The following PAX5 variants were observed in gnomAD, a reference collection of about 807,000 sequenced individuals.
PAX5 encodes the protein paired box 5, also known as paired box protein Pax-5.
In PAX5, 9 loss-of-function variants were observed where a neutral mutation model predicts 43.7. The ratio of observed to expected loss-of-function variants is 0.21; its 90% CI spans 0.12 to 0.36. PAX5 has a LOEUF of 0.36. Ranked by LOEUF, PAX5 falls within the 10% of genes least tolerant of loss-of-function variation. The pLI, the probability that PAX5 is intolerant of heterozygous loss-of-function variation, is 1.00. For missense variants in PAX5, 383 were observed against 532.7 expected (o/e 0.72, Z 2.77); for synonymous variants, 228 against 214.3 (o/e 1.06, Z -0.56).
chr9:36,956,050 C>T (rs1182638272), intron 6 of PAX5, among the ~76,000 whole-genome samples: 1 of 152,154 alleles, frequency 6.6e-6, no homozygotes, highest in Non-Finnish European at 1.5e-5. Context: ...CCAAAATTAG[C>T]TGTTCTTTTG....
At chr9:36,976,784 A>T (rs1490770840) in intron 5 of PAX5, among the ~76,000 whole-genome samples, 1 of 152,216 alleles carries the variant, frequency 6.6e-6, no homozygotes, top group African/African-American at 2.4e-5. Flanking sequence ...GTGTTACCCA[A>T]TGAGTCACAG....
intron 8 of PAX5, among the ~76,000 whole-genome samples, chr9:36,870,913 A>G (rs1171313542): frequency 6.6e-6 from 1 of 152,232 alleles, no homozygotes; most frequent in Non-Finnish European, 1.5e-5. Flanking sequence ...TGAGCCCTGG[A>G]CACTCCTGCA....
intron 5 of PAX5, among the ~76,000 whole-genome samples, chr9:36,967,966 G>T (rs1375204180): frequency 1.3e-5 from 2 of 152,180 alleles, no homozygotes; most frequent in African/African-American, 4.8e-5. Flanking sequence ...AATATCTTCT[G>T]TTGAGTCTCA....
At chr9:36,939,294 C>T (rs1831824347) in intron 6 of PAX5, among the ~76,000 whole-genome samples, 1 of 152,090 alleles carries the variant, frequency 6.6e-6, no homozygotes, top group African/African-American at 2.4e-5. Flanking sequence ...TCCTCAGAGA[C>T]CCTTAAAGCC....
chr9:36,907,867 G>A (rs1828950503), intron 7 of PAX5, among the ~76,000 whole-genome samples: 1 of 152,070 alleles, frequency 6.6e-6, no homozygotes, highest in Admixed American at 6.6e-5. Flanking sequence ...GGAGACGTGG[G>A]GACAGATTGC....
chr9:37,030,835 C>T (rs1840913006), intron 1 of PAX5, among the ~76,000 whole-genome samples: 1 of 152,220 alleles, frequency 6.6e-6, no homozygotes, highest in African/African-American at 2.4e-5. Context: ...CATCGACTCT[C>T]TCAACCCAAG....
chr9:36,996,709 C>T (rs1054053496), intron 5 of PAX5, among the ~76,000 whole-genome samples: 1 of 152,232 alleles, frequency 6.6e-6, no homozygotes, highest in Non-Finnish European at 1.5e-5. Flanking sequence ...GGCCCCAGCA[C>T]GGTCTGTGAG....
intron 6 of PAX5, among the ~76,000 whole-genome samples, chr9:36,935,656 G>A (rs949971681): frequency 6.6e-6 from 1 of 152,176 alleles, no homozygotes; most frequent in Non-Finnish European, 1.5e-5. Flanking sequence ...GTCCTCTTAC[G>A]GAATTTTAGT....
At chr9:36,951,118 T>C (rs1832973437) in intron 6 of PAX5, among the ~76,000 whole-genome samples, 1 of 151,872 alleles carries the variant, frequency 6.6e-6, no homozygotes, top group Non-Finnish European at 1.5e-5. Context: ...GGAAGTAGGG[T>C]GGTAGGGTGG....
chr9:36,931,659 G>A (rs1831133518), intron 6 of PAX5, among the ~76,000 whole-genome samples: 1 of 152,080 alleles, frequency 6.6e-6, no homozygotes, highest in Admixed American at 6.6e-5. Flanking sequence ...GACCAGCCTG[G>A]CCAACACGGT....
At chr9:36,962,208 C>G (rs1834032294) in intron 6 of PAX5, among the ~76,000 whole-genome samples, 1 of 84,946 alleles carries the variant, frequency 1.2e-5, no homozygotes, top group African/African-American at 3.8e-5. Flanking sequence ...AAACCTATGG[C>G]AAGTTCTGAG....
At chr9:36,972,320 C>T (rs975087458) in intron 5 of PAX5, among the ~76,000 whole-genome samples, 62 of 152,298 alleles carry the variant, frequency 4.1e-4, no homozygotes, top group African/African-American at 1.3e-3. Context: ...CCAGCAGTCC[C>T]GGGTTCTAGC....
At chr9:36,862,537 G>A (rs377319309) in intron 8 of PAX5, among the ~76,000 whole-genome samples, 16 of 152,268 alleles carry the variant, frequency 1.1e-4, no homozygotes, top group South Asian at 1.0e-3. Flanking sequence ...CGATTTGAGA[G>A]GCTGGCACGT....
chr9:36,915,480 G>A (rs914779870), intron 7 of PAX5, among the ~76,000 whole-genome samples: 6 of 152,132 alleles, frequency 3.9e-5, no homozygotes, highest in South Asian at 4.2e-4. Flanking sequence ...CTGGGCATCC[G>A]CATTTTTTCC....
At chr9:36,969,476 C>A (rs935572010) in intron 5 of PAX5, among the ~76,000 whole-genome samples, 1 of 152,234 alleles carries the variant, frequency 6.6e-6, no homozygotes, top group Non-Finnish European at 1.5e-5. Context: ...CCCAGTAGAG[C>A]CCAGCACAGA....
intron 5 of PAX5, among the ~76,000 whole-genome samples, chr9:36,970,144 A>C (rs1011687423): frequency 6.6e-6 from 1 of 152,246 alleles, no homozygotes; most frequent in Non-Finnish European, 1.5e-5. Context: ...AACAACGGTG[A>C]CTGATGCTAG....
intron 5 of PAX5, among the ~76,000 whole-genome samples, chr9:36,990,292 T>C (rs1440831009): frequency 6.6e-6 from 1 of 152,120 alleles, no homozygotes; most frequent in Non-Finnish European, 1.5e-5. Context: ...CCAGGAGTAG[T>C]CATTGTTGAG....
chr9:36,969,175 C>G (rs920381368), intron 5 of PAX5, among the ~76,000 whole-genome samples: 8 of 115,108 alleles, frequency 6.9e-5, no homozygotes, highest in Admixed American at 4.0e-4. Context: ...TCAGTGAAAC[C>G]TCCTTCCTGT....
chr9:37,002,872 C>G lies in PAX5; in HGVS notation c.476-96G>C, dbSNP rs1302993260. ...GAGGCTGGGGGCGGCTGGGAGGGAGCGAGCGCAGGGTGGGCAGGGGGCGCT... is the reference window on the plus strand; with the variant it reads ...GAGGCTGGGGGCGGCTGGGAGGGAGGGAGCGCAGGGTGGGCAGGGGGCGCT... On this transcript the variant is annotated intron_variant, in intron 4 of 9. Transcript: ENST00000358127. The G allele has an allele frequency of 5.6e-6, 8 of 1,433,278 alleles. No homozygotes were observed. In the African/African-American group the frequency reaches 7.1e-5, roughly 13 times the overall value. The allele number at this position is 1,433,278 out of a possible 1,614,324, so 88.8% of individuals were successfully genotyped here. A position where few individuals can be genotyped will look rare whatever the true frequency, so the allele number is the denominator to read the frequency against.
Sources: allele counts gnomAD v4.1 joint callset (sites outside exome capture counted in the v4.1 genomes callset), GRCh38; gene constraint gnomAD v4.1.1; transcripts MANE v1.5; gene names NCBI Gene and HGNC (gene_info 2026-07-23, HGNC 2026-07-21).